CDK8: variants seen among roughly 807,000 people sequenced by gnomAD.
CDK8 encodes the protein cyclin dependent kinase 8, also known as cyclin-dependent kinase 8.
CDK8 carries 29 observed loss-of-function variants against 71.5 expected under a neutral mutation model. The ratio of observed to expected loss-of-function variants is 0.41; its 90% confidence interval spans 0.30 to 0.55. The LOEUF is 0.55. Among genes scored for constraint, CDK8 ranks in the 20% least tolerant of loss-of-function variants. The pLI, the probability that CDK8 is intolerant of heterozygous loss-of-function variation, is 0.37. For synonymous variants in CDK8, 161 were observed against 192.1 expected (o/e 0.84, Z 1.34); for missense variants, 288 against 572.6 (o/e 0.50, Z 5.07).
intron 2 of CDK8, among the ~76,000 whole-genome samples, chr13:26,340,958 A>G (rs1359118514): frequency 1.3e-5 from 2 of 152,154 alleles, no homozygotes; most frequent in African/African-American, 4.8e-5. Flanking sequence ...TGTCTTATAC[A>G]TTGTCAAAAT....
intron 1 of CDK8, among the ~76,000 whole-genome samples, chr13:26,304,895 C>T (rs1344701726): frequency 6.6e-6 from 1 of 151,954 alleles, no homozygotes; most frequent in Non-Finnish European, 1.5e-5. Context: ...TCTTGAACTT[C>T]TGGCCTCAAT....
chr13:26,364,872 G>A (rs55769638), intron 4 of CDK8, among the ~76,000 whole-genome samples: 3 of 152,242 alleles, frequency 2.0e-5, no homozygotes, highest in Non-Finnish European at 2.9e-5. Flanking sequence ...TAAAAGAGGG[G>A]CAGAGCAGTA....
At chr13:26,333,144 CTT>C (rs995483753) in intron 1 of CDK8, among the ~76,000 whole-genome samples, 1 of 146,382 alleles carries the variant, frequency 6.8e-6, no homozygotes, top group Admixed American at 6.9e-5. Context: ...TATATACCTT[CTT>C]TTTTTTTTTT....
intron 1 of CDK8, among the ~76,000 whole-genome samples, chr13:26,284,939 C>T (rs1275523107): frequency 2.3e-5 from 1 of 42,646 alleles, no homozygotes; most frequent in Non-Finnish European, 4.9e-5. Flanking sequence ...ATGCAAAAAT[C>T]CTCAAAAAAA....
intron 3 of CDK8, 74 bp downstream of exon 3, chr13:26,349,256 C>T: frequency 1.2e-6 from 1 of 812,864 alleles, no homozygotes; most frequent in Non-Finnish European, 2.1e-6. Flanking sequence ...GTTAGGTGTT[C>T]TGCTTATTAT....
At chr13:26,291,921 C>T (rs945683462) in intron 1 of CDK8, among the ~76,000 whole-genome samples, 1 of 152,124 alleles carries the variant, frequency 6.6e-6, no homozygotes, top group African/African-American at 2.4e-5. Flanking sequence ...TGGCATACTT[C>T]CCTGAGTAGC....
intron 1 of CDK8, among the ~76,000 whole-genome samples, chr13:26,258,476 C>G (rs1270374443): frequency 1.4e-5 from 2 of 147,694 alleles, no homozygotes; most frequent in Non-Finnish European, 3.0e-5. Flanking sequence ...CACAAACATA[C>G]TTGTGTATCT....
chr13:26,330,395 G>A (rs992199082), intron 1 of CDK8, among the ~76,000 whole-genome samples: 2 of 152,108 alleles, frequency 1.3e-5, no homozygotes, highest in African/African-American at 4.8e-5. Context: ...AGTGGAGGCA[G>A]GGTTTCACCA....
At chr13:26,339,597 T>A (rs1235860932) in intron 2 of CDK8, among the ~76,000 whole-genome samples, 3 of 148,438 alleles carry the variant, frequency 2.0e-5, no homozygotes, top group Admixed American at 2.0e-4. Flanking sequence ...CTAATTAGTT[T>A]TTTTTTTTTT....
chr13:26,361,773 T>C lies in CDK8; in HGVS notation c.456+7893T>C, dbSNP rs891482938. Among the ~76,000 whole-genome samples the C allele has an allele frequency of 6.7e-5, 10 of 148,824 alleles. No homozygotes were observed. In the South Asian group the frequency reaches 8.5e-4, roughly 13 times the overall value. On this transcript the variant is annotated intron_variant, in intron 4 of 12. Transcript: ENST00000381527. ...TTAAGTAATTTTCTTTTTGTCTTTC[T>C]TTTCTTTTCCCTTTTTTTTTTTTTT...
chr13:26,382,971 T>C (rs1875303524), intron 5 of CDK8, 100 bp downstream of exon 5: 1 of 650,958 alleles, frequency 1.5e-6, no homozygotes, highest in Non-Finnish European at 2.6e-6. Flanking sequence ...CATATATTCA[T>C]GTAGTTCCAT....
chr13:26,392,014 T>C (rs1875766730), intron 6 of CDK8, among the ~76,000 whole-genome samples: 2 of 152,244 alleles, frequency 1.3e-5, no homozygotes, highest in African/African-American at 4.8e-5. Flanking sequence ...GTAATTTTGA[T>C]TTGTTCCCTT....
intron 1 of CDK8, among the ~76,000 whole-genome samples, chr13:26,301,411 A>G (rs1873819246): frequency 6.6e-6 from 1 of 152,116 alleles, no homozygotes; most frequent in South Asian, 2.1e-4. Flanking sequence ...TTTCTTTTGT[A>G]CAATAATTAA....
At chr13:26,387,546 T>G (rs1875537758) in intron 6 of CDK8, among the ~76,000 whole-genome samples, 1 of 152,188 alleles carries the variant, frequency 6.6e-6, no homozygotes, top group African/African-American at 2.4e-5. Flanking sequence ...CCATGCTGTA[T>G]GTACCTGGCA....
intron 7 of CDK8, among the ~76,000 whole-genome samples, chr13:26,395,175 A>G (rs1875925101): frequency 6.6e-6 from 1 of 152,228 alleles, no homozygotes; most frequent in Admixed American, 6.5e-5. Context: ...AAGAAAAGCA[A>G]GCCTCTAAAG....
intron 2 of CDK8, among the ~76,000 whole-genome samples, chr13:26,340,814 TG>T (rs1313730409): frequency 6.6e-6 from 1 of 152,198 alleles, no homozygotes. Context: ...TTCCCCAGTT[TG>T]TGCTAGGTGT....
intron 1 of CDK8, among the ~76,000 whole-genome samples, chr13:26,286,968 G>A: frequency 6.6e-6 from 1 of 152,152 alleles, no homozygotes; most frequent in Non-Finnish European, 1.5e-5. Flanking sequence ...CTTACTCCTG[G>A]AAGAATGGCC....
intron 2 of CDK8, among the ~76,000 whole-genome samples, chr13:26,338,933 C>T (rs758989345): frequency 6.6e-4 from 99 of 151,054 alleles, no homozygotes; most frequent in African/African-American, 2.4e-3. Flanking sequence ...ACTTATTGTT[C>T]ACATGCTTTT....
At chr13:26,333,252 A>G (rs957136014) in intron 1 of CDK8, among the ~76,000 whole-genome samples, 8 of 151,296 alleles carry the variant, frequency 5.3e-5, no homozygotes, top group African/African-American at 1.9e-4. Flanking sequence ...CAATTCTTCT[A>G]CCTCAGCTTC....
Sources: gnomAD v4.1 joint callset for allele counts (sites outside exome capture counted in the v4.1 genomes callset) on GRCh38, gnomAD v4.1.1 for gene constraint, MANE v1.5 for transcripts, NCBI Gene and HGNC (gene_info 2026-07-23, HGNC 2026-07-21) for gene names.